The following FAM168A variants were observed in gnomAD, a reference collection of about 807,000 sequenced individuals.
FAM168A encodes the protein family with sequence similarity 168 member A, also known as protein FAM168A.
FAM168A carries 3 observed loss-of-function variants against 28.5 expected under a neutral mutation model. That is an observed-to-expected ratio of 0.11 (90% CI 0.05 to 0.27). The LOEUF is 0.27. Ranked by LOEUF, FAM168A falls within the 10% of genes least tolerant of loss-of-function variation. FAM168A has a pLI of 1.00. For missense variants in FAM168A, 222 were observed against 311.5 expected (o/e 0.71, Z 2.16); for synonymous variants, 122 against 124.2 (o/e 0.98, Z 0.12).
chr11:73,515,433 G>A (rs906968717), intron 1 of FAM168A, among the ~76,000 whole-genome samples: 4 of 150,566 alleles, frequency 2.7e-5, no homozygotes, highest in Admixed American at 1.3e-4. Flanking sequence ...ACCTGAACCC[G>A]AGAGGCAGAG....
chr11:73,537,597 T>C (rs59912809), intron 1 of FAM168A, among the ~76,000 whole-genome samples: 12,466 of 152,128 alleles, frequency 0.082, 1,556 homozygotes, highest in African/African-American at 0.27. Flanking sequence ...TCTCAGCTTA[T>C]TGTGAAGCAA....
chr11:73,470,750 C>T (rs768503688), intron 1 of FAM168A, among the ~76,000 whole-genome samples: 1 of 152,178 alleles, frequency 6.6e-6, no homozygotes, highest in East Asian at 1.9e-4. Context: ...TTATAAATTA[C>T]CCAGTCTGTG....
intron 1 of FAM168A, among the ~76,000 whole-genome samples, chr11:73,472,853 AGAG>A (rs1441005527): frequency 6.6e-6 from 1 of 152,222 alleles, no homozygotes; most frequent in Non-Finnish European, 1.5e-5. Context: ...GAGAACTATG[AGAG>A]GAGTAGGTTT....
At chr11:73,510,229 A>C (rs934589428) in intron 1 of FAM168A, among the ~76,000 whole-genome samples, 1 of 152,186 alleles carries the variant, frequency 6.6e-6, no homozygotes, top group African/African-American at 2.4e-5. Context: ...ACTAGGCAAC[A>C]CATCCCCATT....
At chr11:73,589,923 G>A (rs138970531) in intron 1 of FAM168A, among the ~76,000 whole-genome samples, 2,117 of 152,112 alleles carry the variant, frequency 0.014, 26 homozygotes, top group Non-Finnish European at 0.021. Context: ...GTGAAACTCC[G>A]TCTAAAAAGA....
At chr11:73,473,027 AG>A (rs900312053) in intron 1 of FAM168A, among the ~76,000 whole-genome samples, 15 of 152,124 alleles carry the variant, frequency 9.9e-5, no homozygotes, top group African/African-American at 3.6e-4. Flanking sequence ...TTAAAAAAAA[AG>A]GAAAAAAAAT....
chr11:73,425,076 T>C (rs1866865177), intron 3 of FAM168A: 3 of 1,516,446 alleles, frequency 2.0e-6, no homozygotes, highest in African/African-American at 1.4e-5. Flanking sequence ...TAGTTGAAAT[T>C]ACCACTAAGA....
At chr11:73,518,724 C>T (rs1381058155) in intron 1 of FAM168A, among the ~76,000 whole-genome samples, 1 of 152,052 alleles carries the variant, frequency 6.6e-6, no homozygotes, top group Non-Finnish European at 1.5e-5. Flanking sequence ...GGTGAAACCC[C>T]ATCTCTACTA....
chr11:73,594,681 C>T (rs1421730364), intron 1 of FAM168A, among the ~76,000 whole-genome samples: 1 of 152,074 alleles, frequency 6.6e-6, no homozygotes, highest in Non-Finnish European at 1.5e-5. Flanking sequence ...ATTACAGGCA[C>T]GTGCTACCAG....
chr11:73,511,224 G>A (rs1855218940), intron 1 of FAM168A, among the ~76,000 whole-genome samples: 1 of 151,678 alleles, frequency 6.6e-6, no homozygotes, highest in Non-Finnish European at 1.5e-5. Flanking sequence ...AGCTCCAGTA[G>A]CACTGAATTT....
intron 4 of FAM168A, among the ~76,000 whole-genome samples, chr11:73,419,022 G>A (rs1866745189): frequency 6.6e-6 from 1 of 152,074 alleles, no homozygotes; most frequent in South Asian, 2.1e-4. Context: ...GTGTTAGCCA[G>A]GATGGTCTCA....
At chr11:73,425,289 C>T (rs1024130498) in intron 3 of FAM168A, among the ~76,000 whole-genome samples, 9 of 152,174 alleles carry the variant, frequency 5.9e-5, no homozygotes, top group Non-Finnish European at 7.3e-5. Flanking sequence ...GACAGCTGAC[C>T]CAGAGCTGCC....
chr11:73,554,244 G>A (rs1480980709), intron 1 of FAM168A, among the ~76,000 whole-genome samples: 1 of 151,792 alleles, frequency 6.6e-6, no homozygotes, highest in Non-Finnish European at 1.5e-5. Flanking sequence ...CTGGGCATGG[G>A]GTGTTCGCCT....
At chr11:73,582,248 A>T (rs1178997302) in intron 1 of FAM168A, among the ~76,000 whole-genome samples, 2 of 151,924 alleles carry the variant, frequency 1.3e-5, no homozygotes, top group South Asian at 4.2e-4. Context: ...GAGGCCGGGC[A>T]CCGTGACTCA....
Position 73,411,412 on chromosome 11 carries a change from C to T in FAM168A, c.402G>A (p.Gln134=), listed in dbSNP as rs200603016. Residue 134 remains glutamine (Q), a synonymous_variant, in exon 5 of 8, where the codon CAG becomes CAA. Transcript: ENST00000356467. ...AMYPIRSAYP[Q]QNLYAQGAYY... ...TACCTACCTGGGCATACAGATTCTGCTGGGGGTAGGCACTTCTGATTGGAT... is the reference window on the plus strand; with the variant it reads ...TACCTACCTGGGCATACAGATTCTGTTGGGGGTAGGCACTTCTGATTGGAT... 1.2e-3 allele frequency: 1,865 copies of T among 1,606,242 alleles called. 2 individuals carry two copies. The highest frequency in any genetic ancestry group is 1.4e-3 in the Non-Finnish European group (1,698 of 1,175,968).
chr11:73,472,032 C>A (rs1034766213), intron 1 of FAM168A, among the ~76,000 whole-genome samples: 1 of 152,182 alleles, frequency 6.6e-6, no homozygotes, highest in Admixed American at 6.5e-5. Flanking sequence ...GGAGTGTGAA[C>A]CCTATTGTGA....
intron 4 of FAM168A, among the ~76,000 whole-genome samples, chr11:73,418,814 T>TA: frequency 6.6e-6 from 1 of 151,774 alleles, no homozygotes; most frequent in East Asian, 1.9e-4. Context: ...ATTTCATTTT[T>TA]TTTTTTTTTT....
At chr11:73,444,361 A>G (rs761657787) in intron 2 of FAM168A, among the ~76,000 whole-genome samples, 4 of 152,212 alleles carry the variant, frequency 2.6e-5, no homozygotes, top group African/African-American at 4.8e-5. Flanking sequence ...CATGTGCCTT[A>G]TCACCCTGCC....
intron 1 of FAM168A, among the ~76,000 whole-genome samples, chr11:73,515,854 G>A (rs1295040464): frequency 1.3e-5 from 2 of 152,250 alleles, no homozygotes; most frequent in East Asian, 3.9e-4. Context: ...TGTAATCCCA[G>A]CACTTTGGGA....
Sources: gnomAD v4.1 joint callset for allele counts (sites outside exome capture counted in the v4.1 genomes callset) on GRCh38, gnomAD v4.1.1 for gene constraint, MANE v1.5 for transcripts, NCBI Gene and HGNC (gene_info 2026-07-23, HGNC 2026-07-21) for gene names.